Variants in GALNTL6 observed in about 807,000 individuals in gnomAD.
The protein encoded by GALNTL6 is polypeptide N-acetylgalactosaminyltransferase like 6, also known as polypeptide N-acetylgalactosaminyltransferase-like 6.
GALNTL6 carries 46 observed loss-of-function variants against 73.7 expected under a neutral mutation model. The observed-to-expected ratio is 0.62, with a 90% CI of 0.49 to 0.80. The LOEUF (loss-of-function observed/expected upper bound fraction) is 0.80, where lower values mean the gene tolerates loss of function less well. GALNTL6 is among the 30% of genes least tolerant of loss of function. The pLI is 0.00. For synonymous variants in GALNTL6, 259 were observed against 263.7 expected, an observed-to-expected ratio of 0.98 and a Z score of 0.17; for missense variants, 604 against 755.0, an observed-to-expected ratio of 0.80 and a Z score of 2.34.
chr4:172,464,270 CA>C (rs1732721540), intron 5 of GALNTL6, among the ~76,000 whole-genome samples: 1 of 151,972 alleles, frequency 6.6e-6, no homozygotes, highest in East Asian at 1.9e-4. Context: ...ACTTGCAGAA[CA>C]GGGGTAATAA....
chr4:172,706,863 A>G (rs1202494984), intron 5 of GALNTL6, among the ~76,000 whole-genome samples: 1 of 152,172 alleles, frequency 6.6e-6, no homozygotes, highest in Non-Finnish European at 1.5e-5. Context: ...CCTTTGGCTG[A>G]GATGAAAAGC....
chr4:173,038,033 G>A (rs528179510), intron 12 of GALNTL6, among the ~76,000 whole-genome samples: 140 of 152,262 alleles, frequency 9.2e-4, no homozygotes, highest in African/African-American at 3.3e-3. Flanking sequence ...GTCAGCCACG[G>A]TACCCAGCCC....
chr4:172,625,119 A>G (rs1390378480), intron 5 of GALNTL6, among the ~76,000 whole-genome samples: 2 of 152,004 alleles, frequency 1.3e-5, no homozygotes, highest in South Asian at 2.1e-4. Flanking sequence ...TATACTCACT[A>G]CATGCTGCCT....
chr4:172,898,255 TCTA>T (rs1482998885), intron 8 of GALNTL6, among the ~76,000 whole-genome samples: 1 of 150,834 alleles, frequency 6.6e-6, no homozygotes, highest in Non-Finnish European at 1.5e-5. Context: ...TGCCCAGTTC[TCTA>T]CTTACTTTGA....
rs368802295 is a variant in GALNTL6, at chr4:172,376,689, T to C, written c.553+28000T>C. Among the ~76,000 whole-genome samples the C allele has an allele frequency of 4.0e-5, 6 of 151,892 alleles. No individual in the cohort carries two copies. In the East Asian group the frequency reaches 1.2e-3, roughly 30 times the overall value. On this transcript the variant is annotated intron_variant, in intron 5 of 12. Transcript: ENST00000506823. ...ATGGTACTCACCGCTTGGCGATAGGTGATGGTCTCACCGCTTGGTGACAGG... is the reference window on the plus strand; with the variant it reads ...ATGGTACTCACCGCTTGGCGATAGGCGATGGTCTCACCGCTTGGTGACAGG...
At chr4:172,139,321 T>C (rs1474463814) in intron 2 of GALNTL6, among the ~76,000 whole-genome samples, 1 of 152,202 alleles carries the variant, frequency 6.6e-6, no homozygotes, top group African/African-American at 2.4e-5. Flanking sequence ...TTTTTAAAAA[T>C]TGATTGATCA....
At chr4:172,894,775 G>A (rs972096951) in intron 8 of GALNTL6, among the ~76,000 whole-genome samples, 3 of 152,102 alleles carry the variant, frequency 2.0e-5, no homozygotes, top group African/African-American at 7.2e-5. Context: ...ACAATGGGGT[G>A]TTGAAGTATT....
chr4:172,562,599 G>A (rs1027065806), intron 5 of GALNTL6, among the ~76,000 whole-genome samples: 1 of 152,180 alleles, frequency 6.6e-6, no homozygotes, highest in Non-Finnish European at 1.5e-5. Context: ...GAGAAGCTGT[G>A]CTAAATTCAC....
At chr4:172,100,280 G>T (rs1047981654) in intron 2 of GALNTL6, among the ~76,000 whole-genome samples, 1 of 151,966 alleles carries the variant, frequency 6.6e-6, no homozygotes. Context: ...ACACATAGCT[G>T]GCCCTTAATG....
At chr4:172,246,105 A>C (rs1737647688) in intron 3 of GALNTL6, among the ~76,000 whole-genome samples, 1 of 152,194 alleles carries the variant, frequency 6.6e-6, no homozygotes, top group Non-Finnish European at 1.5e-5. Flanking sequence ...TAATAAGATG[A>C]GAAAATAAGA....
intron 2 of GALNTL6, among the ~76,000 whole-genome samples, chr4:171,875,083 C>T (rs1736237619): frequency 6.6e-6 from 1 of 152,102 alleles, no homozygotes; most frequent in Non-Finnish European, 1.5e-5. Context: ...AGAGAAATCA[C>T]ATTTAAGATA....
At chr4:172,577,392 T>A (rs1736995822) in intron 5 of GALNTL6, among the ~76,000 whole-genome samples, 2 of 152,190 alleles carry the variant, frequency 1.3e-5, no homozygotes, top group South Asian at 4.1e-4. Context: ...GTGTCCAGAG[T>A]ACCAACCTGT....
chr4:172,736,960 T>A (rs919664198), intron 5 of GALNTL6, among the ~76,000 whole-genome samples: 1 of 152,198 alleles, frequency 6.6e-6, no homozygotes, highest in Non-Finnish European at 1.5e-5. Context: ...TTGTTACTCC[T>A]CTTTCCACCA....
chr4:172,958,396 G>A (rs2126368155), intron 10 of GALNTL6, among the ~76,000 whole-genome samples: 1 of 152,310 alleles, frequency 6.6e-6, no homozygotes, highest in Middle Eastern at 3.4e-3. Flanking sequence ...GAGTCAGGGA[G>A]AGCTAGGGTG....
At chr4:172,433,680 C>T (rs185493321) in intron 5 of GALNTL6, among the ~76,000 whole-genome samples, 49 of 151,626 alleles carry the variant, frequency 3.2e-4, no homozygotes, top group Admixed American at 1.8e-3. Context: ...TCCAGGCTCC[C>T]ATCTGCCCCT....
intron 7 of GALNTL6, among the ~76,000 whole-genome samples, chr4:172,861,780 C>G (rs1841167): frequency 0.6 from 90,619 of 152,150 alleles, 30,961 homozygotes; most frequent in East Asian, 0.91. Context: ...CGTACACACT[C>G]TCTTGCCTGC....
chr4:172,156,546 T>TGTATATATATATA (rs1734282236), intron 2 of GALNTL6, among the ~76,000 whole-genome samples: 1 of 70,298 alleles, frequency 1.4e-5, no homozygotes, highest in African/African-American at 6.5e-5. Context: ...ATATAATATA[T>TGTATATATATATA]ATATATATAT....
At chr4:172,916,423 A>T (rs1747513976) in intron 8 of GALNTL6, among the ~76,000 whole-genome samples, 1 of 152,216 alleles carries the variant, frequency 6.6e-6, no homozygotes, top group South Asian at 2.1e-4. Flanking sequence ...CAAGAAATAA[A>T]GAGTATTCAA....
intron 3 of GALNTL6, among the ~76,000 whole-genome samples, chr4:172,298,900 T>A (rs536895339): frequency 6.6e-6 from 1 of 152,304 alleles, no homozygotes; most frequent in East Asian, 1.9e-4. Context: ...TTAGGGAGGA[T>A]TCCCTCTTTT....
Sources: allele counts gnomAD v4.1 joint callset (sites outside exome capture counted in the v4.1 genomes callset), GRCh38; gene constraint gnomAD v4.1.1; transcripts MANE v1.5; gene names NCBI Gene and HGNC (gene_info 2026-07-23, HGNC 2026-07-21).